The following INPP5D variants were observed in gnomAD, a reference collection of about 807,000 sequenced individuals.
INPP5D encodes inositol polyphosphate-5-phosphatase D.
A neutral mutation model predicts 122.9 loss-of-function variants in INPP5D; 33 were observed. The ratio of observed to expected loss-of-function variants is 0.27; its 90% CI spans 0.20 to 0.36. The LOEUF is 0.36. INPP5D is among the 10% of genes least tolerant of loss of function. The pLI, the probability that INPP5D is intolerant of heterozygous loss-of-function variation, is 1.00. For missense variants in INPP5D, 1,053 were observed against 1,412.7 expected (o/e 0.75, Z 4.08); for synonymous variants, 584 against 576.2 (o/e 1.01, Z -0.19).
In INPP5D at chr2:233,154,668, G is replaced by C. The variant is rs183529030; in HGVS notation, c.1031-3645G>C. Among the ~76,000 whole-genome samples the C allele has an allele frequency of 9.2e-5, 14 of 152,250 alleles. No homozygotes were observed. The East Asian group carries it at 2.5e-3, about 27-fold the overall frequency. On this transcript the variant is annotated intron_variant, in intron 9 of 26. Transcript: ENST00000445964. ...TAACTTCTTTTAATTTATAACTAAGGTCTGAGTCCTGAAGACCTTCCTTTG... is the reference window on the plus strand; with the variant it reads ...TAACTTCTTTTAATTTATAACTAAGCTCTGAGTCCTGAAGACCTTCCTTTG...
intron 9 of INPP5D, among the ~76,000 whole-genome samples, chr2:233,148,633 G>GCCT (rs1693835599): frequency 6.6e-6 from 1 of 152,110 alleles, no homozygotes; most frequent in Non-Finnish European, 1.5e-5. Flanking sequence ...AGGACCAGAG[G>GCCT]GCTGACGAAA....
intron 3 of INPP5D, among the ~76,000 whole-genome samples, chr2:233,124,489 T>A (rs1289819414): frequency 6.6e-6 from 1 of 152,168 alleles, no homozygotes; most frequent in African/African-American, 2.4e-5. Context: ...CCTTTTGGCC[T>A]CCCTGGTCTG....
chr2:233,189,234 G>T lies in INPP5D; in HGVS notation c.2359-616G>T, dbSNP rs1032175576. 1.2e-4 allele frequency among the ~76,000 whole-genome samples: 18 copies of T among 152,224 alleles called. No homozygotes were observed. Among genetic ancestry groups the T allele is most frequent in the African/African-American group, 4.3e-4 (18 of 41,460 alleles). On this transcript the variant is annotated intron_variant, in intron 21 of 26. Transcript: ENST00000445964. The surrounding 1 kb of genome is among the most constrained non-coding windows in gnomAD (Gnocchi z 5.6). ...AGCTCTGGAAACTTGCTCGCAGATGGAATGTGGGAGCCTGTGTCTGTCATT... is the reference window on the plus strand; with the variant it reads ...AGCTCTGGAAACTTGCTCGCAGATGTAATGTGGGAGCCTGTGTCTGTCATT...
chr2:233,138,696 A>G (rs1693561832), intron 5 of INPP5D, among the ~76,000 whole-genome samples: 1 of 152,080 alleles, frequency 6.6e-6, no homozygotes, highest in Non-Finnish European at 1.5e-5. Context: ...GAAAAGCTAT[A>G]TGAACAAAGT....
At position 233,197,973 on chromosome 2, in the gene INPP5D, G is replaced by A. The variant is rs1415111574; in HGVS notation, c.2694-122G>A. ...GAATGAATGGATCACTGCCCAAGAG[G>A]TGAAGGAGTTGAGGAGAGCTCGAGA... On this transcript the variant is annotated intron_variant, in intron 24 of 26. Coordinates refer to ENST00000445964, the MANE Select transcript of INPP5D (RefSeq NM_001017915.3). This position sits in a 1 kb window ranked among gnomAD's most constrained non-coding sequence, Gnocchi z 4.4. 2 of 1,355,836 alleles carry A rather than the reference G, an allele frequency of 1.5e-6. No individual in the cohort carries two copies. Among genetic ancestry groups the A allele is most frequent in the South Asian group, 1.7e-5 (1 of 58,942 alleles). 84.0% of individuals were successfully genotyped at this position (1,355,836 alleles called of 1,614,324 possible).
intron 2 of INPP5D, among the ~76,000 whole-genome samples, chr2:233,092,182 G>A (rs1209769665): frequency 6.6e-6 from 1 of 152,218 alleles, no homozygotes. Context: ...GTGACTGGGG[G>A]CCCGAGCTGC....
chr2:233,168,005 C>CAAAAAAAAAAA (rs58025565), intron 13 of INPP5D, among the ~76,000 whole-genome samples: 2 of 72,712 alleles, frequency 2.8e-5, no homozygotes, highest in Non-Finnish European at 5.0e-5. Context: ...ACTCTGTCTC[C>CAAAAAAAAAAA]AAAAAAAAAA....
In INPP5D at chr2:233,160,378, AG is replaced by A. The variant is rs368982117; in HGVS notation, c.1138-1345del. On this transcript the variant is annotated intron_variant, in intron 10 of 26. Coordinates refer to ENST00000445964, the MANE Select transcript of INPP5D (RefSeq NM_001017915.3). This position sits in a 1 kb window ranked among gnomAD's most constrained non-coding sequence, Gnocchi z 4.2. ...TGCTTGGTGCCCCACTGGGTACCCC[AG>A]AAAAATACGTGAAAAATATTGAGTA... is the stretch of plus-strand genomic sequence containing the variant. 0.012 allele frequency among the ~76,000 whole-genome samples: 1,823 copies of A among 152,350 alleles called. 11 individuals are homozygous for A. The highest frequency in any genetic ancestry group is 0.02 in the African/African-American group (820 of 41,584).
Position 233,206,928 on chromosome 2 carries a change from G to T in INPP5D, c.*220G>T, listed in dbSNP as rs1337988012. On this transcript the variant is annotated 3_prime_UTR_variant, in exon 27 of 27. Transcript: ENST00000445964. This position sits in a 1 kb window ranked among gnomAD's most constrained non-coding sequence, Gnocchi z 4.0. ...TGGAAGAAAAACGCACACCAGACGG[G>T]CAACAAACAGTCTGGGTCCCCAGCT... The T allele has an allele frequency of 3.7e-6, 2 of 538,718 alleles. No individual in the cohort carries two copies. Among genetic ancestry groups the T allele is most frequent in the East Asian group, 3.3e-5 (1 of 30,508 alleles). The allele number at this position is 538,718 out of a possible 1,614,324, so 33.4% of individuals were successfully genotyped here.
At chr2:233,161,104 T>A (rs1019590319) in intron 10 of INPP5D, among the ~76,000 whole-genome samples, 3 of 152,120 alleles carry the variant, frequency 2.0e-5, no homozygotes, top group African/African-American at 7.2e-5. Context: ...AATACTTTTT[T>A]TTTTTGAGAC....
chr2:233,189,550 G>A lies in INPP5D; in HGVS notation c.2359-300G>A, dbSNP rs1008835463. Among the ~76,000 whole-genome samples, 2 of 152,154 alleles carry A rather than the reference G, an allele frequency of 1.3e-5. No individual in the cohort carries two copies. Among genetic ancestry groups the A allele is most frequent in the African/African-American group, 4.8e-5 (2 of 41,414 alleles). ...GGCCTAGGGATGGGAAGGAACGGGG[G>A]CAATGGATGGGGCCCATCTGGGGTC... On this transcript the variant is annotated intron_variant, in intron 21 of 26. Coordinates refer to ENST00000445964, the MANE Select transcript of INPP5D (RefSeq NM_001017915.3). This position sits in a 1 kb window ranked among gnomAD's most constrained non-coding sequence, Gnocchi z 5.6.
At chr2:233,175,091 G>C (rs747422976) in intron 17 of INPP5D, among the ~76,000 whole-genome samples, 3 of 151,480 alleles carry the variant, frequency 2.0e-5, no homozygotes, top group African/African-American at 7.3e-5. Context: ...GCTGATGGGC[G>C]CCTGTAATCC....
chr2:233,128,047 T>C lies in INPP5D; in HGVS notation c.524+2128T>C, dbSNP rs1294325388. On this transcript the variant is annotated intron_variant, in intron 4 of 26. Coordinates refer to ENST00000445964, the MANE Select transcript of INPP5D (RefSeq NM_001017915.3). This position sits in a 1 kb window ranked among gnomAD's most constrained non-coding sequence, Gnocchi z 4.5. ...AACCTGTGGACTATTAGGAACTGGG[T>C]GGCAGCAGGAGGTGAGCGGAGGGCA... 6.6e-6 allele frequency among the ~76,000 whole-genome samples: 1 copy of C among 152,216 alleles called. No homozygotes were observed. Among genetic ancestry groups the C allele is most frequent in the African/African-American group, 2.4e-5 (1 of 41,452 alleles).
chr2:233,189,496 C>T lies in INPP5D; in HGVS notation c.2359-354C>T, dbSNP rs1283962134. On this transcript the variant is annotated intron_variant, in intron 21 of 26. Coordinates refer to ENST00000445964, the MANE Select transcript of INPP5D (RefSeq NM_001017915.3). The surrounding 1 kb of genome is among the most constrained non-coding windows in gnomAD (Gnocchi z 5.6). The stretch of plus-strand genomic sequence containing the variant: ...GACCTGGTGCCTGGCCCCACTTCCC[C>T]GCCAGCCTGCCTTCTCCTCTATGAC... Among the ~76,000 whole-genome samples, 3 of 152,168 alleles carry T rather than the reference C, an allele frequency of 2.0e-5. No homozygotes were observed. The highest frequency in any genetic ancestry group is 2.9e-5 in the Non-Finnish European group (2 of 68,020).
chr2:233,090,954 G>A (rs1417872557), intron 2 of INPP5D, among the ~76,000 whole-genome samples: 177 of 146,856 alleles, frequency 1.2e-3, no homozygotes, highest in Non-Finnish European at 1.6e-3. Flanking sequence ...GCAAAATTCC[G>A]TCTCAAAGAA....
In INPP5D at chr2:233,121,121, CTTTT is replaced by C. The variant is rs369587747; in HGVS notation, c.199-977_199-974del. On this transcript the variant is annotated intron_variant, in intron 2 of 26. Coordinates refer to ENST00000445964, the MANE Select transcript of INPP5D (RefSeq NM_001017915.3). ...GATTTCTTTCTTTCTTTCTTTCTTT[CTTTT>C]TTTTTTTTCTTTTTTTTTTTTTTTG... Among the ~76,000 whole-genome samples, 374 of 117,656 alleles carry C rather than the reference CTTTT, an allele frequency of 3.2e-3. 1 individual carries two copies. The highest frequency in any genetic ancestry group is 0.024 in the Middle Eastern group (5 of 212). 77.2% of individuals were successfully genotyped at this position (117,656 alleles called of 152,430 possible).
intron 2 of INPP5D, among the ~76,000 whole-genome samples, chr2:233,094,091 C>A (rs901188926): frequency 6.6e-6 from 1 of 151,344 alleles, no homozygotes; most frequent in Admixed American, 6.6e-5. Context: ...TAGAATACAC[C>A]CCCTCCCCCC....
At chr2:233,071,202 T>C (rs1211633571) in intron 1 of INPP5D, among the ~76,000 whole-genome samples, 1 of 152,106 alleles carries the variant, frequency 6.6e-6, no homozygotes, top group Admixed American at 6.5e-5. Flanking sequence ...GGTGGGAGAA[T>C]TGTTAGAACC....
In INPP5D at chr2:233,065,563, TTTTCTTTCTTTCTTTCCTTC is replaced by T. The variant is rs1691190849; in HGVS notation, c.134+4968_134+4987del. 1.5e-5 allele frequency among the ~76,000 whole-genome samples: 2 copies of T among 137,228 alleles called. 1 individual carries two copies. The allele number at this position is 137,228 out of a possible 152,430, so 90.0% of individuals were successfully genotyped here. Reference sequence around the variant, plus strand: ...AGGCATGAACCACTGCACCCAGCCTTTTTCTTTCTTTCTTTCCTTCTTTCTTTCTTTCTTTCTTTCTTTCT... The same window carrying T: ...AGGCATGAACCACTGCACCCAGCCTTTTTCTTTCTTTCTTTCTTTCTTTCT... On this transcript the variant is annotated intron_variant, in intron 1 of 26. Coordinates refer to ENST00000445964, the MANE Select transcript of INPP5D (RefSeq NM_001017915.3).
Sources: gnomAD v4.1 joint callset for allele counts (sites outside exome capture counted in the v4.1 genomes callset) on GRCh38, gnomAD v4.1.1 for gene constraint, Gnocchi (gnomAD v3.1) non-coding constraint, MANE v1.5 for transcripts, NCBI Gene and HGNC (gene_info 2026-07-23, HGNC 2026-07-21) for gene names.